AFF1: variants seen among roughly 807,000 people sequenced by gnomAD.
AFF1 encodes the protein ALF transcription elongation factor 1.
In AFF1, 48 loss-of-function variants were observed where a neutral mutation model predicts 121.7. The observed-to-expected ratio is 0.39, with a 90% CI of 0.31 to 0.50. The LOEUF (loss-of-function observed/expected upper bound fraction) is 0.50, where lower values mean the gene tolerates loss of function less well. Among genes scored for constraint, AFF1 ranks in the 20% least tolerant of loss-of-function variants. The pLI is 0.76. For missense variants in AFF1, 1,523 were observed against 1,511.7 expected, an observed-to-expected ratio of 1.01 and a Z score of -0.12; for synonymous variants, 613 against 563.0, an observed-to-expected ratio of 1.09 and a Z score of -1.26.
chr4:86,984,746 C>T lies in AFF1; in HGVS notation c.38+36175C>T, dbSNP rs1055127701. On this transcript the variant is annotated intron_variant, in intron 2 of 20. Transcript: ENST00000395146. ...TGTCCAGGAGTTTGACATCAGCCTG[C>T]GAAGCATAGCAATATCTTGTCTATA... 2.4e-4 allele frequency among the ~76,000 whole-genome samples: 36 copies of T among 151,794 alleles called. 1 individual carries two copies. Among genetic ancestry groups the T allele is most frequent in the Non-Finnish European group, 4.4e-5 (3 of 67,950 alleles).
At chr4:86,961,661 C>CAAA (rs3839151) in intron 2 of AFF1, among the ~76,000 whole-genome samples, 1 of 144,742 alleles carries the variant, frequency 6.9e-6, no homozygotes. Context: ...ATTAGTTACC[C>CAAA]AAAAAAAAAA....
At chr4:87,118,767 G>A (rs2149778129) in intron 12 of AFF1, among the ~76,000 whole-genome samples, 1 of 152,296 alleles carries the variant, frequency 6.6e-6, no homozygotes, top group African/African-American at 2.4e-5. Context: ...ACTGGTTGAG[G>A]GTAGTTGTCT....
intron 4 of AFF1, among the ~76,000 whole-genome samples, chr4:87,049,321 G>A (rs1297769665): frequency 6.6e-6 from 1 of 151,994 alleles, no homozygotes; most frequent in East Asian, 1.9e-4. Flanking sequence ...GAACAATTGA[G>A]TTTTCTCTCT....
At chr4:86,992,817 T>C (rs1328387923) in intron 2 of AFF1, among the ~76,000 whole-genome samples, 1 of 152,234 alleles carries the variant, frequency 6.6e-6, no homozygotes, top group Non-Finnish European at 1.5e-5. Context: ...CTCAATAACA[T>C]ATAAATCCTT....
chr4:87,116,135 A>G (rs964120600), intron 12 of AFF1, among the ~76,000 whole-genome samples: 1 of 152,154 alleles, frequency 6.6e-6, no homozygotes, highest in Non-Finnish European at 1.5e-5. Flanking sequence ...AGTTACTAAC[A>G]TGTGGTTAGT....
At chr4:87,091,007 C>A (rs142781447) in intron 6 of AFF1, among the ~76,000 whole-genome samples, 1 of 137,862 alleles carries the variant, frequency 7.3e-6, no homozygotes, top group Non-Finnish European at 1.6e-5. Context: ...GGTGAGACCC[C>A]GTCTCTCTAC....
At chr4:87,111,227 C>T (rs1408780780) in intron 11 of AFF1, among the ~76,000 whole-genome samples, 1 of 34,034 alleles carries the variant, frequency 2.9e-5, no homozygotes, top group African/African-American at 8.5e-5. Context: ...CCGTGTTAGC[C>T]AGGATGGTCT....
At chr4:87,020,139 C>G (rs1222565842) in intron 2 of AFF1, among the ~76,000 whole-genome samples, 1 of 152,154 alleles carries the variant, frequency 6.6e-6, no homozygotes, top group African/African-American at 2.4e-5. Flanking sequence ...AAGTTTTTGT[C>G]CTTTGTGTAT....
At chr4:87,043,851 C>A (rs557093726) in intron 2 of AFF1, among the ~76,000 whole-genome samples, 1 of 151,836 alleles carries the variant, frequency 6.6e-6, no homozygotes, top group Non-Finnish European at 1.5e-5. Context: ...CGGAGTCTCG[C>A]GCTGTTGCCC....
At chr4:87,075,416 C>A (rs1372184270) in intron 4 of AFF1, among the ~76,000 whole-genome samples, 1 of 152,122 alleles carries the variant, frequency 6.6e-6, no homozygotes, top group East Asian at 1.9e-4. Context: ...CTCCTATCTA[C>A]ACGATATATT....
chr4:87,003,397 A>T (rs962699676), intron 2 of AFF1, among the ~76,000 whole-genome samples: 2 of 152,132 alleles, frequency 1.3e-5, no homozygotes, highest in African/African-American at 4.8e-5. Context: ...CCAAGTAGCT[A>T]GAACTATATA....
chr4:86,977,612 T>C (rs1263467092), intron 2 of AFF1, among the ~76,000 whole-genome samples: 24 of 152,174 alleles, frequency 1.6e-4, no homozygotes, highest in Admixed American at 1.6e-3. Flanking sequence ...GTTCCCATGG[T>C]GTCTTATCTC....
chr4:87,106,979 A>T (rs1324094702), intron 10 of AFF1, among the ~76,000 whole-genome samples: 1 of 152,196 alleles, frequency 6.6e-6, no homozygotes, highest in Non-Finnish European at 1.5e-5. Flanking sequence ...CTAACTTCTA[A>T]AAGTGGAGGA....
intron 2 of AFF1, among the ~76,000 whole-genome samples, chr4:86,976,380 C>T (rs1467517180): frequency 1.3e-5 from 2 of 152,064 alleles, no homozygotes; most frequent in Non-Finnish European, 2.9e-5. Flanking sequence ...ACCTAGGTGC[C>T]AGTGGTAGAC....
At chr4:86,952,255 C>G (rs1002378964) in intron 2 of AFF1, among the ~76,000 whole-genome samples, 87 of 152,192 alleles carry the variant, frequency 5.7e-4, no homozygotes, top group African/African-American at 2.0e-3. Flanking sequence ...ATTGGAATCC[C>G]TTGGAATTCA....
Position 87,135,580 on chromosome 4 carries a change from A to G in AFF1, c.3536A>G (p.Glu1179Gly), listed in dbSNP as rs1404932964. 3.2e-6 allele frequency: 5 copies of G among 1,550,772 alleles called. No homozygotes were observed. The highest frequency in any genetic ancestry group is 2.0e-5 in the Admixed American group (1 of 49,128). Residue 1179 changes from glutamate (E) to glycine (G), a missense_variant and splice_region_variant, in exon 21 of 21, where the codon GAA (glutamate) becomes GGA (glycine). By Grantham distance (98) the Glu-to-Gly change is moderately conservative. Around this residue, in one of 5 missense-constraint regions of AFF1, gnomAD observed 241 missense variants for 265.2 expected, o/e 0.91. Transcript: ENST00000395146. ...TTGTTTTGTTTTGTTTTTTTTGCAG[A>G]ATTCTTTGCTCGGCTCAGCACAAAT... is the stretch of plus-strand genomic sequence containing the variant. ...QAEALTRKNKEFFARLSTNVC... is the reference protein window; with the variant it reads ...QAEALTRKNKGFFARLSTNVC...
intron 4 of AFF1, among the ~76,000 whole-genome samples, chr4:87,076,537 A>G (rs958638591): frequency 1.8e-4 from 28 of 152,254 alleles, no homozygotes; most frequent in African/African-American, 7.2e-5. Flanking sequence ...TTAACAGTTA[A>G]AGTTGGTTTT....
chr4:87,049,675 G>T (rs141282772), intron 4 of AFF1: 8 of 456,102 alleles, frequency 1.8e-5, no homozygotes, highest in Non-Finnish European at 3.5e-5. Context: ...CCTTTAATGC[G>T]GTGGTTCCCT....
chr4:87,126,235 C>A lies in AFF1; in HGVS notation c.2710C>A (p.Pro904Thr). 1 of 1,614,116 alleles carries A rather than the reference C, an allele frequency of 6.2e-7. No homozygotes were observed. The highest frequency in any genetic ancestry group is 8.5e-7 in the Non-Finnish European group (1 of 1,180,032). ...READTCGQDPPKSASSTKSNH... is the reference protein window; with the variant it reads ...READTCGQDPTKSASSTKSNH... Reference sequence around the variant, plus strand: ...AGCAGACACCTGTGGCCAGGACCCTCCCAAAAGTGCCAGCAGTACCAAGAG... The same window carrying A: ...AGCAGACACCTGTGGCCAGGACCCTACCAAAAGTGCCAGCAGTACCAAGAG... Residue 904 changes from proline to threonine, a missense_variant, in exon 14 of 21, where the codon CCC (proline) becomes ACC (threonine). Coordinates refer to ENST00000395146, the MANE Select transcript of AFF1 (RefSeq NM_001166693.3).
Sources: allele counts gnomAD v4.1 joint callset (sites outside exome capture counted in the v4.1 genomes callset), GRCh38; gene constraint gnomAD v4.1.1; regional missense constraint gnomAD v4.1.1; transcripts MANE v1.5; gene names NCBI Gene and HGNC (gene_info 2026-07-23, HGNC 2026-07-21).